The following SLC6A4 variants were observed in gnomAD, a reference collection of about 807,000 sequenced individuals.
SLC6A4 encodes the protein solute carrier family 6 member 4.
A neutral mutation model predicts 73.4 loss-of-function variants in SLC6A4; 22 were observed. The observed-to-expected ratio is 0.30, with a 90% CI of 0.21 to 0.43. The LOEUF (loss-of-function observed/expected upper bound fraction) is 0.43, where lower values mean the gene tolerates loss of function less well. SLC6A4 is among the 20% of genes least tolerant of loss of function. The pLI is 1.00. For missense variants in SLC6A4, 593 were observed against 808.5 expected (o/e 0.73, Z 3.23); for synonymous variants, 270 against 315.5 (o/e 0.86, Z 1.53).
At position 30,207,837 on chromosome 17, in the gene SLC6A4, A is replaced by G; in HGVS notation, c.1550-5T>C. The G allele has an allele frequency of 1.2e-6, 2 of 1,611,430 alleles. No individual in the cohort carries two copies. The highest frequency in any genetic ancestry group is 1.7e-6 in the Non-Finnish European group (2 of 1,177,682). The stretch of plus-strand genomic sequence containing the variant: ...CCCTGCAGAACTGAGTGATGCCTGG[A>G]ACCGCCCAAGGGGAAGAGAGGCAGA... On this transcript the variant is annotated splice_polypyrimidine_tract_variant and splice_region_variant and intron_variant, in intron 12 of 14. Transcript: ENST00000650711.
At chr17:30,202,469 C>T (rs752140486) in intron 14 of SLC6A4, among the ~76,000 whole-genome samples, 10 of 152,298 alleles carry the variant, frequency 6.6e-5, no homozygotes, top group African/African-American at 2.2e-4. Flanking sequence ...ACCTCAGTGT[C>T]CTTGTCTGGT....
At chr17:30,205,498 T>C (rs1223926324) in intron 13 of SLC6A4, among the ~76,000 whole-genome samples, 3 of 152,198 alleles carry the variant, frequency 2.0e-5, no homozygotes, top group African/African-American at 7.2e-5. Flanking sequence ...TCTGGTAGGA[T>C]GGGCTAGGCG....
Position 30,235,655 on chromosome 17 carries a change from G to A in SLC6A4, c.-263C>T, listed in dbSNP as rs1321110716. The A allele has an allele frequency of 6.6e-6, 1 of 152,356 alleles. No individual in the cohort carries two copies. The highest frequency in any genetic ancestry group is 2.4e-5 in the African/African-American group (1 of 41,448). 9.4% of individuals were successfully genotyped at this position (152,356 alleles called of 1,614,324 possible). The stretch of plus-strand genomic sequence containing the variant: ...GAGGCTGGTCCCGGGCTGGGCAGGC[G>A]GGCTGGCCTCGCGCCCTCGAGGCAC... On this transcript the variant is annotated 5_prime_UTR_variant, in exon 1 of 15. Coordinates refer to ENST00000650711, the MANE Select transcript of SLC6A4 (RefSeq NM_001045.6). The surrounding 1 kb of genome is among the most constrained non-coding windows in gnomAD (Gnocchi z 4.5).
At chr17:30,225,283 CT>C (rs1246089523) in intron 1 of SLC6A4, among the ~76,000 whole-genome samples, 1 of 152,160 alleles carries the variant, frequency 6.6e-6, no homozygotes. Context: ...CTCTCGGTGA[CT>C]AATCGGGTCT....
intron 13 of SLC6A4, among the ~76,000 whole-genome samples, chr17:30,206,712 C>CTTTTCTTTTTTT (rs61636654): frequency 1.2e-3 from 94 of 80,304 alleles, no homozygotes; most frequent in African/African-American, 3.6e-3. Context: ...CTTTTCTTTT[C>CTTTTCTTTTTTT]TTTTTTTTTT....
chr17:30,206,375 G>T (rs1288153712), intron 13 of SLC6A4: 1 of 152,180 alleles, frequency 6.6e-6, no homozygotes, highest in Non-Finnish European at 1.5e-5. Context: ...CCAGCAGGCT[G>T]TTATCCATCT....
Position 30,198,325 on chromosome 17 carries a change from C to A in SLC6A4, c.*131G>T. ...TTGAGTCTGGGCACCAGACTGTGTC[C>A]CTGTGGAGAAGGCCCTTCCATCATC... On this transcript the variant is annotated 3_prime_UTR_variant, in exon 15 of 15. Transcript: ENST00000650711. 1.7e-6 allele frequency: 1 copy of A among 603,028 alleles called. No homozygotes were observed. The allele number at this position is 603,028 out of a possible 1,614,324, so 37.4% of individuals were successfully genotyped here.
At chr17:30,224,722 G>C (rs1906879197) in intron 1 of SLC6A4, among the ~76,000 whole-genome samples, 1 of 152,222 alleles carries the variant, frequency 6.6e-6, no homozygotes, top group African/African-American at 2.4e-5. Flanking sequence ...GCAGTGAGCA[G>C]TTACCCTCCT....
chr17:30,233,394 G>A (rs914073908), intron 1 of SLC6A4, among the ~76,000 whole-genome samples: 1 of 152,194 alleles, frequency 6.6e-6, no homozygotes, highest in African/African-American at 2.4e-5. Flanking sequence ...TGTGGTTAAG[G>A]TGCAGGGGTT....
At chr17:30,221,312 C>A (rs548458683) in intron 3 of SLC6A4, among the ~76,000 whole-genome samples, 11 of 152,230 alleles carry the variant, frequency 7.2e-5, no homozygotes, top group African/African-American at 2.6e-4. Flanking sequence ...AAGTCTAAGT[C>A]ATCATGTTCC....
At position 30,216,067 on chromosome 17, in the gene SLC6A4, C is replaced by T; in HGVS notation, c.972+15G>A. The T allele has an allele frequency of 6.2e-7, 1 of 1,609,410 alleles. No individual in the cohort carries two copies. The highest frequency in any genetic ancestry group is 8.5e-7 in the Non-Finnish European group (1 of 1,176,970). ...AAATGACAGACAGGTACACATATTT[C>T]CCTCATCATCTTACCCCTGTCTCCA... On this transcript the variant is annotated intron_variant, in intron 7 of 14. Coordinates refer to ENST00000650711, the MANE Select transcript of SLC6A4 (RefSeq NM_001045.6).
intron 1 of SLC6A4, among the ~76,000 whole-genome samples, chr17:30,232,522 G>T (rs1175886647): frequency 6.6e-6 from 1 of 152,208 alleles, no homozygotes; most frequent in Non-Finnish European, 1.5e-5. Context: ...ATTAATGGAG[G>T]TCCATCCAGT....
chr17:30,213,459 C>A (rs1382097110), intron 8 of SLC6A4, among the ~76,000 whole-genome samples: 1 of 151,968 alleles, frequency 6.6e-6, no homozygotes, highest in South Asian at 2.1e-4. Flanking sequence ...CCCACGACCA[C>A]GCCTGGCTAA....
rs191024908 is a variant in SLC6A4 at position 30,194,831 on chromosome 17, A to G, written c.*3625T>C. 8.9e-4 allele frequency: 136 copies of G among 152,332 alleles called. No individual in the cohort carries two copies. The highest frequency in any genetic ancestry group is 3.0e-3 in the African/African-American group (123 of 41,574). 9.4% of individuals were successfully genotyped at this position (152,332 alleles called of 1,614,324 possible). ...ATTGGAGTCTTCAGTTACAGAATTG[A>G]AGGACTGATGCCATCTATTCTCTCC... On this transcript the variant is annotated 3_prime_UTR_variant, in exon 15 of 15. Coordinates refer to ENST00000650711, the MANE Select transcript of SLC6A4 (RefSeq NM_001045.6).
At chr17:30,208,366 A>G (rs1015611500) in intron 12 of SLC6A4, among the ~76,000 whole-genome samples, 2 of 152,242 alleles carry the variant, frequency 1.3e-5, no homozygotes, top group African/African-American at 4.8e-5. Context: ...TTCATATGCC[A>G]GATCAAGATC....
At position 30,210,462 on chromosome 17, in the gene SLC6A4, C is replaced by T. The variant is rs34954201; in HGVS notation, c.1449+53G>A. The T allele has an allele frequency of 1.0e-4, 160 of 1,572,040 alleles. 1 individual carries two copies. The highest frequency in any genetic ancestry group is 4.1e-4 in the Admixed American group (23 of 56,280). On this transcript the variant is annotated intron_variant, in intron 11 of 14. Transcript: ENST00000650711. ...GAAGGAGACGAACAGCTTCCTGTAG[C>T]GTTCTGCTGCCCTAGGGGAGGCCAA...
chr17:30,230,095 A>AGAAGAG (rs1288713816), intron 1 of SLC6A4, among the ~76,000 whole-genome samples: 28 of 118,292 alleles, frequency 2.4e-4, no homozygotes, highest in South Asian at 1.0e-3. Flanking sequence ...AAGAAGAAGA[A>AGAAGAG]GAGGAGGAAG....
intron 2 of SLC6A4, 91 bp downstream of exon 2, chr17:30,222,728 G>T: frequency 8.8e-7 from 1 of 1,136,114 alleles, no homozygotes; most frequent in Non-Finnish European, 1.2e-6. Flanking sequence ...AGCTGCCTCC[G>T]GCTGTGTCCA....
At chr17:30,228,076 T>C (rs544400230) in intron 1 of SLC6A4, among the ~76,000 whole-genome samples, 2 of 152,310 alleles carry the variant, frequency 1.3e-5, no homozygotes, top group Admixed American at 6.5e-5. Context: ...CTCCAGTGAA[T>C]ATAAACAGCC....
Sources: gnomAD v4.1 joint callset for allele counts (sites outside exome capture counted in the v4.1 genomes callset) on GRCh38, gnomAD v4.1.1 for gene constraint, Gnocchi (gnomAD v3.1) non-coding constraint, MANE v1.5 for transcripts, NCBI Gene and HGNC (gene_info 2026-07-23, HGNC 2026-07-21) for gene names.